ATRN: variants seen among roughly 807,000 people sequenced by gnomAD.
ATRN encodes the protein attractin-2.
Under a neutral mutation model 178.7 loss-of-function variants are expected in ATRN, and 54 were observed. That is an observed-to-expected ratio of 0.30 (90% CI 0.24 to 0.38). The LOEUF (loss-of-function observed/expected upper bound fraction) is 0.38, where lower values mean the gene tolerates loss of function less well. ATRN is among the 10% of genes least tolerant of loss of function. The pLI is 1.00. For synonymous variants in ATRN, 636 were observed against 663.0 expected (o/e 0.96, Z 0.63); for missense variants, 1,443 against 1,815.1 (o/e 0.79, Z 3.73).
chr20:3,591,008 A>AT (rs1269006187), intron 18 of ATRN, among the ~76,000 whole-genome samples, 161 bp from the exon 19 acceptor site: 1 of 152,096 alleles, frequency 6.6e-6, no homozygotes. Flanking sequence ...CTCTTCTTTG[A>AT]TATTTTTTAT....
In ATRN at chr20:3,489,472, A is replaced by G. The variant is rs138895408; in HGVS notation, c.410+17955A>G. The G allele has an allele frequency of 4.6e-4, 457 of 984,026 alleles. 2 individuals carry two copies. The highest frequency in any genetic ancestry group is 4.0e-3 in the African/African-American group (253 of 62,772). 61.0% of individuals were successfully genotyped at this position (984,026 alleles called of 1,614,324 possible). A position where few individuals can be genotyped will look rare whatever the true frequency, so the allele number is the denominator to read the frequency against. The stretch of plus-strand genomic sequence containing the variant: ...GAGAATTTGGTTGGGAGAAATAGAA[A>G]AAACAGATCTCAGGGAAGCCTGGGC... On this transcript the variant is annotated intron_variant, in intron 1 of 28. Transcript: ENST00000262919.
intron 14 of ATRN, among the ~76,000 whole-genome samples, chr20:3,577,210 C>T (rs1305953150): frequency 6.6e-6 from 1 of 152,130 alleles, no homozygotes; most frequent in Non-Finnish European, 1.5e-5. Context: ...GTGAAACATC[C>T]TTTGCTGCTC....
intron 1 of ATRN, among the ~76,000 whole-genome samples, chr20:3,484,380 TTC>T (rs937786389): frequency 6.6e-6 from 1 of 152,200 alleles, no homozygotes; most frequent in African/African-American, 2.4e-5. Context: ...AAATATACTC[TTC>T]TATATTTTAC....
At position 3,504,645 on chromosome 20, in the gene ATRN, A is replaced by G. The variant is rs998568990; in HGVS notation, c.411-30608A>G. Among the ~76,000 whole-genome samples the G allele has an allele frequency of 6.0e-5, 9 of 150,102 alleles. No homozygotes were observed. The East Asian group carries it at 1.4e-3, about 23-fold the overall frequency. ...GGTTGCAGTGAGCTGAGATTGTGCC[A>G]TTGCACTCCAGCCTGGGCAATAAGA... is the stretch of plus-strand genomic sequence containing the variant. On this transcript the variant is annotated intron_variant, in intron 1 of 28. Coordinates refer to ENST00000262919, the MANE Select transcript of ATRN (RefSeq NM_139321.3).
rs1264111560 is a variant in ATRN at position 3,489,476 on chromosome 20, C to T, written c.410+17959C>T. Reference sequence around the variant, plus strand: ...ATTTGGTTGGGAGAAATAGAAAAAACAGATCTCAGGGAAGCCTGGGCTAGC... The same window carrying T: ...ATTTGGTTGGGAGAAATAGAAAAAATAGATCTCAGGGAAGCCTGGGCTAGC... On this transcript the variant is annotated intron_variant, in intron 1 of 28. Transcript: ENST00000262919. The T allele has an allele frequency of 8.0e-6, 8 of 997,582 alleles. No homozygotes were observed. In the African/African-American group the frequency reaches 1.3e-4, roughly 16 times the overall value. The allele number at this position is 997,582 out of a possible 1,614,324, so 61.8% of individuals were successfully genotyped here.
intron 1 of ATRN, among the ~76,000 whole-genome samples, chr20:3,506,772 T>G (rs1006946810): frequency 7.9e-5 from 12 of 152,088 alleles, no homozygotes; most frequent in African/African-American, 9.7e-5. Flanking sequence ...AATAAATGAT[T>G]AGTATCTTTA....
intron 1 of ATRN, among the ~76,000 whole-genome samples, chr20:3,494,333 A>G (rs2084848264): frequency 6.6e-6 from 1 of 152,188 alleles, no homozygotes; most frequent in African/African-American, 2.4e-5. Flanking sequence ...GGATTGTCAC[A>G]GACCTTGCAT....
At chr20:3,562,011 C>T (rs1421649545) in intron 8 of ATRN, among the ~76,000 whole-genome samples, 2 of 152,204 alleles carry the variant, frequency 1.3e-5, no homozygotes, top group South Asian at 2.1e-4. Flanking sequence ...CACATGTAAG[C>T]CACTTCGCCT....
Position 3,539,313 on chromosome 20 carries a change from T to G in ATRN, c.495-909T>G, listed in dbSNP as rs1299919056. On this transcript the variant is annotated intron_variant, in intron 2 of 28. Transcript: ENST00000262919. Reference sequence around the variant, plus strand: ...GCAAAGTCTTCTGCGAAGTTTTACCTTTTTAGGAGGAGAAAGGGTAGGGCA... The same window carrying G: ...GCAAAGTCTTCTGCGAAGTTTTACCGTTTTAGGAGGAGAAAGGGTAGGGCA... Among the ~76,000 whole-genome samples the G allele has an allele frequency of 4.6e-5, 7 of 152,160 alleles. No homozygotes were observed. The South Asian group carries it at 6.2e-4, about 14-fold the overall frequency.
rs2087122475 is a variant in ATRN, at chr20:3,648,336, C to T, written c.*1489C>T. On this transcript the variant is annotated 3_prime_UTR_variant, in exon 29 of 29. Transcript: ENST00000262919. Reference sequence around the variant, plus strand: ...TAAGAGGGTGGGACAGTCCCCTGCTCCTCTCCCAGAGGGCACTGCTTGGAA... The same window carrying T: ...TAAGAGGGTGGGACAGTCCCCTGCTTCTCTCCCAGAGGGCACTGCTTGGAA... The T allele has an allele frequency of 1.3e-5, 2 of 152,630 alleles. No individual in the cohort carries two copies. Among genetic ancestry groups the T allele is most frequent in the Non-Finnish European group, 1.5e-5 (1 of 68,050 alleles). The allele number at this position is 152,630 out of a possible 1,614,324, so 9.5% of individuals were successfully genotyped here. A position where few individuals can be genotyped will look rare whatever the true frequency, so the allele number is the denominator to read the frequency against.
chr20:3,525,794 C>A (rs2085356316), intron 1 of ATRN, among the ~76,000 whole-genome samples: 1 of 152,112 alleles, frequency 6.6e-6, no homozygotes, highest in Admixed American at 6.5e-5. Flanking sequence ...GAACCAATGA[C>A]AAAAACACAT....
In ATRN at chr20:3,576,876, T is replaced by C. The variant is rs749791613; in HGVS notation, c.2232T>C (p.Tyr744=). ...TGTTCTAGATCTCCATTTTTAGGTA[T>C]GAGAATTGCCCCAAGGATAACCCCA... ...CSEGQISIFR[Y]ENCPKDNPMY... Residue 744 remains tyrosine, a synonymous_variant, in exon 14 of 29, where the codon TAT becomes TAC. Transcript: ENST00000262919. 1.9e-6 allele frequency: 3 copies of C among 1,613,490 alleles called. No individual in the cohort carries two copies. The highest frequency in any genetic ancestry group is 1.3e-5 in the African/African-American group (1 of 74,904).
chr20:3,598,868 A>C (rs1402647564), intron 22 of ATRN, among the ~76,000 whole-genome samples: 1 of 152,264 alleles, frequency 6.6e-6, no homozygotes, highest in East Asian at 1.9e-4. Flanking sequence ...AATTCCATTA[A>C]CAATAAATGT....
intron 23 of ATRN, 131 bp downstream of exon 23, chr20:3,601,155 A>T (rs2086602867): frequency 2.9e-6 from 2 of 691,650 alleles, no homozygotes; most frequent in Non-Finnish European, 2.5e-6. Context: ...ACTAGCTATG[A>T]GACCTTGAGC....
intron 11 of ATRN, among the ~76,000 whole-genome samples, chr20:3,566,626 G>A (rs746860940): frequency 9.9e-5 from 15 of 152,076 alleles, no homozygotes; most frequent in Non-Finnish European, 1.9e-4. Context: ...ATGAGAGGCC[G>A]GGCACGGTGG....
intron 1 of ATRN, among the ~76,000 whole-genome samples, chr20:3,498,839 T>C (rs975031891): frequency 4.2e-5 from 6 of 142,728 alleles, no homozygotes; most frequent in South Asian, 2.2e-4. Flanking sequence ...CCAGGGCAAT[T>C]AGGCAGGAGA....
Position 3,600,993 on chromosome 20 carries a change from C to T in ATRN, c.3612C>T (p.Asn1204=), listed in dbSNP as rs1271011001. 8.7e-6 allele frequency: 14 copies of T among 1,613,844 alleles called. No individual in the cohort carries two copies. The highest frequency in any genetic ancestry group is 1.2e-5 in the Non-Finnish European group (14 of 1,179,834). The change falls in exon 23 of 29, where the codon AAC becomes AAT. Residue 1204 remains asparagine, a synonymous_variant. Transcript: ENST00000262919. ...DMFINASKNF[N]LNITWAASFS... ...TCATCAATGCCTCCAAGAATTTCAA[C>T]CTCAACATCACCTGGGCTGCCAGTT... is the stretch of plus-strand genomic sequence containing the variant.
At chr20:3,489,579 C>G (rs1243446507) in intron 1 of ATRN, 1 of 1,480,858 alleles carries the variant, frequency 6.8e-7, no homozygotes, top group African/African-American at 1.4e-5. Context: ...TTATTCACAA[C>G]ATTCCCACTT....
chr20:3,499,941 A>T (rs1252348615), intron 1 of ATRN, among the ~76,000 whole-genome samples: 1 of 151,898 alleles, frequency 6.6e-6, no homozygotes, highest in African/African-American at 2.4e-5. Context: ...CTCATCTGAC[A>T]AAGGGCTAAT....
Sources: allele counts gnomAD v4.1 joint callset (sites outside exome capture counted in the v4.1 genomes callset), GRCh38; gene constraint gnomAD v4.1.1; transcripts MANE v1.5; gene names NCBI Gene and HGNC (gene_info 2026-07-23, HGNC 2026-07-21).